VPS13A: variants seen among roughly 807,000 people sequenced by gnomAD.
VPS13A encodes the protein intermembrane lipid transfer protein VPS13A.
Under a neutral mutation model 390.9 loss-of-function variants are expected in VPS13A, and 264 were observed. The ratio of observed to expected loss-of-function variants is 0.68; its 90% CI spans 0.61 to 0.75. The LOEUF is 0.75. Among genes scored for constraint, VPS13A ranks in the 30% least tolerant of loss-of-function variants. The probability of loss-of-function intolerance (pLI) is 0.00; values close to 1 mark genes in which losing one functional copy is unlikely to be tolerated. For missense variants in VPS13A, 3,409 were observed against 3,733.9 expected, an observed-to-expected ratio of 0.91 and a Z score of 2.27; for synonymous variants, 1,231 against 1,227.1, an observed-to-expected ratio of 1.00 and a Z score of -0.07.
intron 35 of VPS13A, among the ~76,000 whole-genome samples, chr9:77,312,004 A>G (rs1829101022): frequency 6.6e-6 from 1 of 152,208 alleles, no homozygotes; most frequent in Non-Finnish European, 1.5e-5. Flanking sequence ...GAATGCAACT[A>G]AAACAGTGGT....
intron 71 of VPS13A, among the ~76,000 whole-genome samples, chr9:77,414,773 CTT>C (rs905865009): frequency 1.3e-4 from 13 of 98,506 alleles, no homozygotes; most frequent in Non-Finnish European, 2.8e-4. Flanking sequence ...ATAATAAAAA[CTT>C]AGAGTAAGAG....
rs1195487371 is a variant in VPS13A at position 77,340,290 on chromosome 9, C to T, written c.6879+8C>T. Reference sequence around the variant, plus strand: ...CTGAAAATGGACTATCAAGTGAGTTCATTCTATGCTTATCAAGAAACTTTT... The same window carrying T: ...CTGAAAATGGACTATCAAGTGAGTTTATTCTATGCTTATCAAGAAACTTTT... On this transcript the variant is annotated splice_region_variant and intron_variant, in intron 49 of 71. Coordinates refer to ENST00000360280, the MANE Select transcript of VPS13A (RefSeq NM_033305.3). 6.2e-7 allele frequency: 1 copy of T among 1,610,680 alleles called. No individual in the cohort carries two copies. Among genetic ancestry groups the T allele is most frequent in the Non-Finnish European group, 8.5e-7 (1 of 1,177,770 alleles).
chr9:77,284,442 A>G (rs1037366391), intron 31 of VPS13A, among the ~76,000 whole-genome samples: 1 of 152,198 alleles, frequency 6.6e-6, no homozygotes, highest in African/African-American at 2.4e-5. Flanking sequence ...ATTTAGTGGG[A>G]TAGAAAAACA....
At chr9:77,276,009 A>G in intron 25 of VPS13A, 56 bp from the exon 26 acceptor site, 5 of 1,563,556 alleles carry the variant, frequency 3.2e-6, no homozygotes, top group South Asian at 1.1e-5. Context: ...ACCACTATGC[A>G]CATAAACATG....
chr9:77,248,777 G>C (rs1466001036), intron 20 of VPS13A, among the ~76,000 whole-genome samples: 1 of 152,056 alleles, frequency 6.6e-6, no homozygotes, highest in African/African-American at 2.4e-5. Context: ...TATTGTCCAG[G>C]CTGGAGTGCG....
chr9:77,185,768 A>G (rs1435173080), intron 1 of VPS13A, among the ~76,000 whole-genome samples: 1 of 152,116 alleles, frequency 6.6e-6, no homozygotes, highest in Non-Finnish European at 1.5e-5. Context: ...TTCTTAAACA[A>G]TTTATTTAAG....
rs530564612 is a variant in VPS13A at position 77,419,296 on chromosome 9, C to A, written c.*3290C>A. 6.6e-6 allele frequency: 1 copy of A among 152,102 alleles called. No individual in the cohort carries two copies. Among genetic ancestry groups the A allele is most frequent in the Non-Finnish European group, 1.5e-5 (1 of 68,014 alleles). The allele number at this position is 152,102 out of a possible 1,614,324, so 9.4% of individuals were successfully genotyped here. A position where few individuals can be genotyped will look rare whatever the true frequency, so the allele number is the denominator to read the frequency against. On this transcript the variant is annotated 3_prime_UTR_variant, in exon 72 of 72. Coordinates refer to ENST00000360280, the MANE Select transcript of VPS13A (RefSeq NM_033305.3). ...CGTGAAATAATAAAAAATAGAGGAA[C>A]AATAGAGCATATAAAATGGTTAAGT...
intron 13 of VPS13A, 141 bp downstream of exon 13, chr9:77,221,497 T>A (rs1207440338): frequency 2.3e-6 from 2 of 861,484 alleles, no homozygotes; most frequent in African/African-American, 1.7e-5. Context: ...TGTGCTTCTG[T>A]TCTTAACTTC....
chr9:77,359,406 AG>A lies in VPS13A; in HGVS notation c.8105+5del. On this transcript the variant is annotated splice_donor_5th_base_variant and intron_variant, in intron 58 of 71. Coordinates refer to ENST00000360280, the MANE Select transcript of VPS13A (RefSeq NM_033305.3). ...ATTCCCAGATATCACGTATTAAGTA[AG>A]TGTCTTAATACATTTCTTGTATATT... 1 of 1,607,174 alleles carries A rather than the reference AG, an allele frequency of 6.2e-7. No individual in the cohort carries two copies. Among genetic ancestry groups the A allele is most frequent in the Non-Finnish European group, 8.5e-7 (1 of 1,174,126 alleles).
rs773206180 is a variant in VPS13A, at chr9:77,283,621, G to T, written c.3310G>T (p.Asp1104Tyr). The T allele has an allele frequency of 1.2e-6, 2 of 1,611,946 alleles. No homozygotes were observed. Among genetic ancestry groups the T allele is most frequent in the South Asian group, 2.2e-5 (2 of 90,782 alleles). ...NAKLRNIIVL[D>Y]SDITAIYKKA... Reference sequence around the variant, plus strand: ...AAAGCTAAGGAATATAATTGTTTTAGATTCTGATATAACAGCTATATACAA... The same window carrying T: ...AAAGCTAAGGAATATAATTGTTTTATATTCTGATATAACAGCTATATACAA... The change falls in exon 31 of 72, where the codon GAT becomes TAT. Residue 1104 changes from aspartate to tyrosine, a missense_variant. Physicochemically the swap from Asp to Tyr is radical, Grantham distance 160. Transcript: ENST00000360280.
intron 24 of VPS13A, among the ~76,000 whole-genome samples, chr9:77,274,953 A>G (rs1349832251): frequency 6.6e-6 from 1 of 152,086 alleles, no homozygotes; most frequent in Non-Finnish European, 1.5e-5. Flanking sequence ...ATATCAGCAT[A>G]TGTGTATGCT....
At position 77,295,746 on chromosome 9, in the gene VPS13A, A is replaced by G. The variant is rs1254540505; in HGVS notation, c.3712A>G (p.Thr1238Ala). The G allele has an allele frequency of 6.2e-7, 1 of 1,614,054 alleles. No homozygotes were observed. The highest frequency in any genetic ancestry group is 1.1e-5 in the South Asian group (1 of 91,084). Residue 1238 changes from threonine (T) to alanine (A), a missense_variant, in exon 33 of 72, where the codon ACA (threonine) becomes GCA (alanine). This residue lies in a region of VPS13A where 2,717 missense variants were observed against 2,917.4 expected (regional missense o/e 0.93). Coordinates refer to ENST00000360280, the MANE Select transcript of VPS13A (RefSeq NM_033305.3). ...TTTTGTTGCTGATTTTGGACTAATT[A>G]CAATGACAAATACCTTTCATATGAT... is the stretch of plus-strand genomic sequence containing the variant. Reference protein sequence around the residue: ...NVFVADFGLITMTNTFHMITE... With the variant: ...NVFVADFGLIAMTNTFHMITE...
At chr9:77,186,457 A>G (rs1045003152) in intron 1 of VPS13A, among the ~76,000 whole-genome samples, 1 of 151,630 alleles carries the variant, frequency 6.6e-6, no homozygotes, top group African/African-American at 2.4e-5. Context: ...TTAATTTTTG[A>G]GATGGAGTCC....
chr9:77,202,710 A>G (rs1021280503), intron 3 of VPS13A, among the ~76,000 whole-genome samples: 8 of 152,098 alleles, frequency 5.3e-5, no homozygotes, highest in Admixed American at 3.9e-4. Context: ...TAGATAGACT[A>G]TTTTCTTTAG....
chr9:77,355,290 A>G (rs535920716), intron 54 of VPS13A, among the ~76,000 whole-genome samples: 1 of 152,232 alleles, frequency 6.6e-6, no homozygotes, highest in Non-Finnish European at 1.5e-5. Flanking sequence ...CCAGTGTAGA[A>G]TTATCGGTCT....
intron 59 of VPS13A, among the ~76,000 whole-genome samples, 200 bp from the exon 60 acceptor site, chr9:77,365,260 T>C (rs1175602302): frequency 1.3e-5 from 2 of 152,180 alleles, no homozygotes; most frequent in Non-Finnish European, 2.9e-5. Context: ...GATAGAAATA[T>C]AGAAGATAAT....
chr9:77,321,599 T>C lies in VPS13A; in HGVS notation c.5683T>C (p.Ser1895Pro). The C allele has an allele frequency of 6.2e-7, 1 of 1,613,498 alleles. No homozygotes were observed. Among genetic ancestry groups the C allele is most frequent in the Non-Finnish European group, 8.5e-7 (1 of 1,179,622 alleles). ...GLTISVSPSD[S>P]FSVLNIPMAK... ...TACTATTTCTGTTTCGCCAAGTGAT[T>C]CTTTTAGTGTACTCAACATTCCTAT... is the stretch of plus-strand genomic sequence containing the variant. The change falls in exon 44 of 72, where the codon TCT becomes CCT. Residue 1895 changes from serine to proline, a missense_variant. Physicochemically the swap from Ser to Pro is moderately conservative, Grantham distance 74. Coordinates refer to ENST00000360280, the MANE Select transcript of VPS13A (RefSeq NM_033305.3).
rs1309869959 is a variant in VPS13A, at chr9:77,417,947, C to T, written c.*1941C>T. 2 of 152,160 alleles carry T rather than the reference C, an allele frequency of 1.3e-5. No individual in the cohort carries two copies. Among genetic ancestry groups the T allele is most frequent in the African/African-American group, 2.4e-5 (1 of 41,442 alleles). The allele number at this position is 152,160 out of a possible 1,614,324, so 9.4% of individuals were successfully genotyped here. ...TCACCTCCTCCCATCACTTCCTTGTCTCTAGACTAGAGGGACCCACAGTTT... is the reference window on the plus strand; with the variant it reads ...TCACCTCCTCCCATCACTTCCTTGTTTCTAGACTAGAGGGACCCACAGTTT... On this transcript the variant is annotated 3_prime_UTR_variant, in exon 72 of 72. Transcript: ENST00000360280.
intron 7 of VPS13A, 119 bp downstream of exon 7, chr9:77,210,794 G>T (rs1590003860): frequency 9.9e-7 from 1 of 1,012,212 alleles, no homozygotes; most frequent in Non-Finnish European, 1.5e-6. Flanking sequence ...GGTGCACAAA[G>T]GGTCTTCATT....
Sources: allele counts gnomAD v4.1 joint callset (sites outside exome capture counted in the v4.1 genomes callset), GRCh38; gene constraint gnomAD v4.1.1; regional missense constraint gnomAD v4.1.1; transcripts MANE v1.5; gene names NCBI Gene and HGNC (gene_info 2026-07-23, HGNC 2026-07-21).